The following MME variants were observed in gnomAD, a reference collection of about 807,000 sequenced individuals.
The protein encoded by MME is neprilysin.
A neutral mutation model predicts 113.2 loss-of-function variants in MME; 98 were observed. The observed-to-expected ratio is 0.87, with a 90% confidence interval of 0.74 to 1.02. MME has a LOEUF of 1.02. Ranked by LOEUF, MME falls within the 50% of genes least tolerant of loss-of-function variation. The pLI is 0.00. For synonymous variants in MME, 292 were observed against 300.6 expected (o/e 0.97, Z 0.30); for missense variants, 836 against 896.0 (o/e 0.93, Z 0.86).
At position 155,180,630 on chromosome 3, in the gene MME, G is replaced by A. The variant is rs201830862; in HGVS notation, c.*171G>A. 54 of 653,654 alleles carry A rather than the reference G, an allele frequency of 8.3e-5. 1 individual carries two copies. In the Middle Eastern group the frequency reaches 1.7e-3, roughly 21 times the overall value. The allele number at this position is 653,654 out of a possible 1,614,324, so 40.5% of individuals were successfully genotyped here. A position where few individuals can be genotyped will look rare whatever the true frequency, so the allele number is the denominator to read the frequency against. Reference sequence around the variant, plus strand: ...AACATTAGGTTGTCCTAGAAAGGGTGTGGAGGGAGGAAGGGGGTCTAAGGT... The same window carrying A: ...AACATTAGGTTGTCCTAGAAAGGGTATGGAGGGAGGAAGGGGGTCTAAGGT... On this transcript the variant is annotated 3_prime_UTR_variant, in exon 23 of 23. Transcript: ENST00000360490.
intron 1 of MME, among the ~76,000 whole-genome samples, chr3:155,026,118 G>C (rs1420285618): frequency 1.3e-5 from 2 of 151,666 alleles, no homozygotes; most frequent in Non-Finnish European, 1.5e-5. Context: ...TCTGCTATAG[G>C]CATGCTCCAT....
intron 3 of MME, among the ~76,000 whole-genome samples, 161 bp from the exon 4 acceptor site, chr3:155,114,833 A>G (rs1408610277): frequency 6.6e-6 from 1 of 152,250 alleles, no homozygotes; most frequent in Non-Finnish European, 1.5e-5. Context: ...AACTATACAC[A>G]GATAGTATTC....
chr3:155,138,366 T>A, intron 9 of MME, 130 bp downstream of exon 9: 5 of 897,678 alleles, frequency 5.6e-6, no homozygotes, highest in Non-Finnish European at 8.7e-6. Flanking sequence ...GGCTTGGTAA[T>A]AGATCATTGA....
chr3:155,130,435 G>A (rs1473096834), intron 8 of MME, among the ~76,000 whole-genome samples: 2 of 152,190 alleles, frequency 1.3e-5, no homozygotes, highest in African/African-American at 4.8e-5. Flanking sequence ...AGAAGCTACA[G>A]GGTATACTGC....
intron 3 of MME, among the ~76,000 whole-genome samples, chr3:155,093,217 T>C (rs1427021654): frequency 6.6e-6 from 1 of 152,164 alleles, no homozygotes; most frequent in East Asian, 1.9e-4. Context: ...GTTTTCAATG[T>C]AGTTTTCAAA....
intron 1 of MME, among the ~76,000 whole-genome samples, chr3:155,044,639 C>A (rs993208415): frequency 3.3e-5 from 5 of 152,136 alleles, no homozygotes; most frequent in African/African-American, 1.2e-4. Flanking sequence ...CCTGCCTCAG[C>A]CTCCTGAGTA....
At chr3:155,040,698 C>G in intron 1 of MME, among the ~76,000 whole-genome samples, 1 of 151,662 alleles carries the variant, frequency 6.6e-6, no homozygotes, top group Non-Finnish European at 1.5e-5. Flanking sequence ...ATACTATTTT[C>G]GAAAATTTTT....
intron 8 of MME, among the ~76,000 whole-genome samples, chr3:155,137,414 TG>T (rs1272297642): frequency 6.6e-6 from 1 of 152,016 alleles, no homozygotes; most frequent in African/African-American, 2.4e-5. Flanking sequence ...GGTAAAGAAA[TG>T]TATTATTATG....
rs144701324 is a variant in MME at position 155,025,182 on chromosome 3, G to A, written c.-11+858G>A. Among the ~76,000 whole-genome samples the A allele has an allele frequency of 7.9e-3, 1,209 of 152,236 alleles. 6 individuals carry two copies. Among genetic ancestry groups the A allele is most frequent in the Middle Eastern group, 0.031 (9 of 294 alleles). On this transcript the variant is annotated intron_variant, in intron 1 of 22. Coordinates refer to the MME transcript ENST00000492661. ...TCTGAGAGGAAAAACACCACCCAGGGTGCAGCCCAGCCTTTGCCACTATAT... is the reference window on the plus strand; with the variant it reads ...TCTGAGAGGAAAAACACCACCCAGGATGCAGCCCAGCCTTTGCCACTATAT...
In MME at chr3:155,121,656, C is replaced by G. The variant is rs1411784657; in HGVS notation, c.720+2845C>G. On this transcript the variant is annotated intron_variant, in intron 8 of 22. Coordinates refer to ENST00000360490, the MANE Select transcript of MME (RefSeq NM_007289.4). Reference sequence around the variant, plus strand: ...TGTTGAATTTTGTCAAAGGCCTTTTCTGCATCTATTGAGATAATCATGTGG... The same window carrying G: ...TGTTGAATTTTGTCAAAGGCCTTTTGTGCATCTATTGAGATAATCATGTGG... 3.7e-4 allele frequency among the ~76,000 whole-genome samples: 36 copies of G among 96,504 alleles called. 1 individual carries two copies. The highest frequency in any genetic ancestry group is 1.3e-3 in the African/African-American group (35 of 27,270). The allele number at this position is 96,504 out of a possible 152,430, so 63.3% of individuals were successfully genotyped here.
intron 22 of MME, among the ~76,000 whole-genome samples, chr3:155,174,278 G>A (rs1438328522): frequency 1.4e-5 from 2 of 146,648 alleles, no homozygotes; most frequent in Non-Finnish European, 3.0e-5. Context: ...TGTTGTTCTG[G>A]TTCCAAAGAT....
At chr3:155,084,033 C>G in intron 1 of MME, 125 bp from the exon 2 acceptor site, 1 of 947,410 alleles carries the variant, frequency 1.1e-6, no homozygotes, top group Non-Finnish European at 1.6e-6. Flanking sequence ...GACTTCTCAA[C>G]AGCAAAAATG....
intron 3 of MME, among the ~76,000 whole-genome samples, chr3:155,087,383 G>A (rs1233829253): frequency 6.6e-6 from 1 of 151,768 alleles, no homozygotes; most frequent in Non-Finnish European, 1.5e-5. Context: ...TTTGCTGCTC[G>A]ACATAGTAAG....
chr3:155,062,118 A>G (rs891138146), intron 1 of MME, among the ~76,000 whole-genome samples: 1 of 152,188 alleles, frequency 6.6e-6, no homozygotes, highest in Non-Finnish European at 1.5e-5. Context: ...TCAAAGTTGA[A>G]TAGGAAGGGT....
At chr3:155,100,629 T>A (rs1717125691) in intron 3 of MME, among the ~76,000 whole-genome samples, 1 of 152,188 alleles carries the variant, frequency 6.6e-6, no homozygotes, top group South Asian at 2.1e-4. Context: ...CTAGCAAGGA[T>A]CTGACAATAT....
chr3:155,027,508 A>G (rs1460775688), intron 1 of MME, among the ~76,000 whole-genome samples: 1 of 152,246 alleles, frequency 6.6e-6, no homozygotes, highest in African/African-American at 2.4e-5. Flanking sequence ...GCACATACAG[A>G]GTGCCAGGGC....
intron 16 of MME, among the ~76,000 whole-genome samples, chr3:155,151,819 G>A (rs983606506): frequency 6.6e-6 from 1 of 152,052 alleles, no homozygotes; most frequent in Non-Finnish European, 1.5e-5. Context: ...ACGTAGGAAT[G>A]GGAAGAGGGG....
At chr3:155,154,760 T>G (rs1465305194) in intron 16 of MME, among the ~76,000 whole-genome samples, 15 of 152,164 alleles carry the variant, frequency 9.9e-5, no homozygotes, top group Admixed American at 9.8e-4. Context: ...ATGCAGAAAT[T>G]ATATGGGTAA....
chr3:155,117,599 G>GTTTTTTTTTTTTTTTTTTTTTTTTTTTTT (rs5853715), intron 7 of MME, among the ~76,000 whole-genome samples: 2 of 131,440 alleles, frequency 1.5e-5, no homozygotes, highest in Non-Finnish European at 3.2e-5. Flanking sequence ...TTTTTTTTTT[G>GTTTTTTTTTTTTTTTTTTTTTTTTTTTTT]TTTTTTTTTT....
Sources: allele counts gnomAD v4.1 joint callset (sites outside exome capture counted in the v4.1 genomes callset), GRCh38; gene constraint gnomAD v4.1.1; transcripts MANE v1.5; gene names NCBI Gene and HGNC (gene_info 2026-07-23, HGNC 2026-07-21).